Variants in KIAA0586 observed in about 807,000 individuals in gnomAD.
The protein encoded by KIAA0586 is KIAA0586.
KIAA0586 carries 144 observed loss-of-function variants against 169.8 expected under a neutral mutation model. The ratio of observed to expected loss-of-function variants is 0.85; its 90% CI spans 0.74 to 0.97. KIAA0586 has a LOEUF of 0.97. Ranked by LOEUF, KIAA0586 falls within the 50% of genes least tolerant of loss-of-function variation. The probability of loss-of-function intolerance (pLI) is 0.00; values close to 1 mark genes in which losing one functional copy is unlikely to be tolerated. For synonymous variants in KIAA0586, 625 were observed against 612.4 expected (o/e 1.02, Z -0.30); for missense variants, 1,854 against 1,823.0 (o/e 1.02, Z -0.31).
rs760936908 is a variant in KIAA0586 at position 58,470,631 on chromosome 14, A to G, written c.2461A>G (p.Ile821Val). The change falls in exon 17 of 31, where the codon ATT becomes GTT. Residue 821 changes from isoleucine to valine, a missense_variant. Transcript: ENST00000652326. The stretch of plus-strand genomic sequence containing the variant: ...GTTTTAGGTATTACCCAGTGTAGAT[A>G]TTGACAGCATTTCAAATAGTAGTGC... ...LTVQVLPSVD[I>V]DSISNSSADV... The G allele has an allele frequency of 7.5e-6, 12 of 1,598,256 alleles. No individual in the cohort carries two copies. The highest frequency in any genetic ancestry group is 1.7e-4 in the Middle Eastern group (1 of 6,054).
At chr14:58,452,590 C>T (rs1044039556) in intron 8 of KIAA0586, among the ~76,000 whole-genome samples, 2 of 152,134 alleles carry the variant, frequency 1.3e-5, no homozygotes, top group Non-Finnish European at 2.9e-5. Context: ...TTATAAAAGT[C>T]GTCTATTTTA....
At chr14:58,446,758 A>T (rs537179275) in intron 6 of KIAA0586, among the ~76,000 whole-genome samples, 1 of 152,260 alleles carries the variant, frequency 6.6e-6, no homozygotes, top group South Asian at 2.1e-4. Context: ...GATTATATGC[A>T]TACCAAGTAA....
At position 58,504,552 on chromosome 14, in the gene KIAA0586, C is replaced by T. The variant is rs373510182; in HGVS notation, c.4169-4003C>T. 2.6e-5 allele frequency among the ~76,000 whole-genome samples: 4 copies of T among 152,264 alleles called. 1 individual carries two copies. On this transcript the variant is annotated intron_variant, in intron 27 of 30. Coordinates refer to ENST00000652326, the MANE Select transcript of KIAA0586 (RefSeq NM_001329943.3). ...TGCTGGACTGGCAATTTTAGGCAAA[C>T]TTAGTCTTCTCTAAAAGTCTGCCAT...
At chr14:58,525,362 G>A (rs968147207) in intron 29 of KIAA0586, among the ~76,000 whole-genome samples, 56 of 151,908 alleles carry the variant, frequency 3.7e-4, no homozygotes, top group African/African-American at 1.3e-3. Flanking sequence ...GAGGTACCTG[G>A]CTCATCTCAT....
chr14:58,521,299 T>C (rs1164159812), intron 29 of KIAA0586: 3 of 1,140,228 alleles, frequency 2.6e-6, no homozygotes, highest in African/African-American at 1.5e-5. Context: ...CTCAACACTC[T>C]TGTGCTCCAG....
At chr14:58,466,397 A>G (rs2040777548) in intron 15 of KIAA0586, among the ~76,000 whole-genome samples, 1 of 152,146 alleles carries the variant, frequency 6.6e-6, no homozygotes, top group Non-Finnish European at 1.5e-5. Flanking sequence ...CCAATAGGAA[A>G]AATTCTTTTG....
At chr14:58,543,916 T>A (rs879937493) in intron 30 of KIAA0586, 1 of 456,136 alleles carries the variant, frequency 2.2e-6, no homozygotes. Context: ...GTTTCCTGTA[T>A]AGGTAAACTC....
rs142872400 is a variant in KIAA0586 at position 58,452,522 on chromosome 14, A to T, written c.1130-828A>T. On this transcript the variant is annotated intron_variant, in intron 8 of 30. Transcript: ENST00000652326. ...GTCTTACTACATACAAACAAGGCTA[A>T]AGGATAGATCCACTTATTGGTACTT... Among the ~76,000 whole-genome samples, 941 of 152,308 alleles carry T rather than the reference A, an allele frequency of 6.2e-3. 10 individuals carry two copies. Among genetic ancestry groups the T allele is most frequent in the African/African-American group, 0.021 (859 of 41,574 alleles).
chr14:58,468,949 T>C lies in KIAA0586; in HGVS notation c.2442+1027T>C, dbSNP rs1219866658. On this transcript the variant is annotated intron_variant, in intron 16 of 30. Transcript: ENST00000652326. ...CCTCTGGGAAGAGAGAAGACTTGCC[T>C]CATTCTTGGATCCTGATCACTGAGG... Among the ~76,000 whole-genome samples the C allele has an allele frequency of 4.6e-5, 7 of 152,178 alleles. No individual in the cohort carries two copies. In the East Asian group the frequency reaches 1.3e-3, roughly 29 times the overall value.
chr14:58,521,536 G>A (rs1236743799), intron 29 of KIAA0586: 2 of 803,630 alleles, frequency 2.5e-6, no homozygotes, highest in Non-Finnish European at 4.4e-6. Flanking sequence ...TGCTCGGGCT[G>A]TAGTGCCCTC....
intron 27 of KIAA0586, among the ~76,000 whole-genome samples, chr14:58,507,149 TA>T (rs1442396095): frequency 0.02 from 1,506 of 75,150 alleles, 26 homozygotes; most frequent in African/African-American, 0.063. Flanking sequence ...ACTCTGTCTT[TA>T]AAAAAAAAAA....
chr14:58,472,414 T>C (rs561740008), intron 18 of KIAA0586, 135 bp downstream of exon 18: 2 of 439,988 alleles, frequency 4.5e-6, no homozygotes, highest in East Asian at 3.8e-5. Context: ...AAATATACTT[T>C]TAAAAATTAT....
In KIAA0586 at chr14:58,530,418, A is replaced by C. The variant is rs567980031; in HGVS notation, c.4430-9653A>C. 5.2e-5 allele frequency among the ~76,000 whole-genome samples: 8 copies of C among 152,382 alleles called. No homozygotes were observed. The East Asian group carries it at 1.2e-3, about 22-fold the overall frequency. On this transcript the variant is annotated intron_variant, in intron 29 of 30. Coordinates refer to ENST00000652326, the MANE Select transcript of KIAA0586 (RefSeq NM_001329943.3). Reference sequence around the variant, plus strand: ...AAGCAAAAAGAACAAAGCTGGAGGCATCACGCTACCTGACTTCAAACTATA... The same window carrying C: ...AAGCAAAAAGAACAAAGCTGGAGGCCTCACGCTACCTGACTTCAAACTATA...
intron 29 of KIAA0586, among the ~76,000 whole-genome samples, chr14:58,522,232 G>C (rs189311590): frequency 6.2e-4 from 94 of 152,170 alleles, no homozygotes; most frequent in African/African-American, 2.0e-3. Flanking sequence ...TTTTAATTTT[G>C]ATACTTCTTT....
At chr14:58,529,051 C>T (rs1021663216) in intron 29 of KIAA0586, among the ~76,000 whole-genome samples, 4 of 152,096 alleles carry the variant, frequency 2.6e-5, no homozygotes, top group African/African-American at 9.7e-5. Flanking sequence ...AAAATACAAA[C>T]CACCATCAGA....
chr14:58,521,206 C>G, intron 29 of KIAA0586: 1 of 861,408 alleles, frequency 1.2e-6, no homozygotes, highest in Non-Finnish European at 1.8e-6. Context: ...TTGTGAGAAG[C>G]CTCATCATCC....
rs2036944290 is a variant in KIAA0586, at chr14:58,427,739, AC to A, written c.-525del. 14 of 1,533,788 alleles carry A rather than the reference AC, an allele frequency of 9.1e-6. No individual in the cohort carries two copies. Among genetic ancestry groups the A allele is most frequent in the Non-Finnish European group, 1.2e-5 (14 of 1,146,480 alleles). On this transcript the variant is annotated 5_prime_UTR_variant, in exon 1 of 31. Coordinates refer to ENST00000652326, the MANE Select transcript of KIAA0586 (RefSeq NM_001329943.3). ...CTGACGCTGTTGTCAGATTACACCC[AC>A]GACGGTGCGGGTCTCGGGCGTTCTG...
At chr14:58,507,919 G>C (rs1231037977) in intron 27 of KIAA0586, among the ~76,000 whole-genome samples, 1 of 151,970 alleles carries the variant, frequency 6.6e-6, no homozygotes, top group Non-Finnish European at 1.5e-5. Flanking sequence ...TGAGTAGCTG[G>C]GATTACAGGT....
At chr14:58,443,290 A>T (rs946567093) in intron 5 of KIAA0586, among the ~76,000 whole-genome samples, 1 of 152,266 alleles carries the variant, frequency 6.6e-6, no homozygotes, top group Non-Finnish European at 1.5e-5. Context: ...TAAGTGACAG[A>T]GCCAAAACTA....
Sources: allele counts gnomAD v4.1 joint callset (sites outside exome capture counted in the v4.1 genomes callset), GRCh38; gene constraint gnomAD v4.1.1; transcripts MANE v1.5; gene names NCBI Gene and HGNC (gene_info 2026-07-23, HGNC 2026-07-21).